The following GRXCR2 variants were observed in gnomAD, a reference collection of about 807,000 sequenced individuals.
GRXCR2 encodes glutaredoxin domain-containing cysteine-rich protein 2.
A neutral mutation model predicts 24.8 loss-of-function variants in GRXCR2; 23 were observed. The ratio of observed to expected loss-of-function variants is 0.93; its 90% CI spans 0.67 to 1.32. The LOEUF (loss-of-function observed/expected upper bound fraction) is 1.32. Ranked by LOEUF, GRXCR2 falls within the 40% of genes most tolerant of loss-of-function variation. GRXCR2 has a pLI of 0.00. For synonymous variants in GRXCR2, 130 were observed against 116.1 expected (o/e 1.12, Z -0.77); for missense variants, 315 against 303.4 (o/e 1.04, Z -0.28).
chr5:145,866,611 C>G lies in GRXCR2; in HGVS notation c.454G>C (p.Ala152Pro), dbSNP rs1222094493. The change falls in exon 2 of 3, where the codon GCT (alanine) becomes CCT (proline). Residue 152 changes from alanine (A) to proline (P), a missense_variant. Transcript: ENST00000377976. The stretch of plus-strand genomic sequence containing the variant: ...TTGTTCATCAGAGACTCTTCCTCAG[C>G]CTCCTCTTCCTTCTGGAGAATTTTC... ...VRKILQKEEE[A>P]EEESLMNKEE... The G allele has an allele frequency of 3.1e-6, 5 of 1,613,872 alleles. No homozygotes were observed. In the African/African-American group the frequency reaches 5.3e-5, roughly 17 times the overall value.
upstream of GRXCR2, among the ~76,000 whole-genome samples, chr5:145,874,272 C>T (rs1042409811): frequency 1.1e-4 from 17 of 150,708 alleles, no homozygotes; most frequent in Admixed American, 9.3e-4. Context: ...GGTACGATCT[C>T]GGCTCACTGC....
chr5:145,872,594 C>T, intron 1 of GRXCR2, 39 bp downstream of exon 1: 2 of 1,504,024 alleles, frequency 1.3e-6, no homozygotes, highest in Non-Finnish European at 1.8e-6. Flanking sequence ...TTTTAGGAAG[C>T]CCTACCCTTA....
rs117492006 is a variant in GRXCR2, at chr5:145,897,581, C to T, written c.-69-30853G>A. On this transcript the variant is annotated intron_variant, in intron 2 of 3. Coordinates refer to the GRXCR2 transcript ENST00000639411. Reference sequence around the variant, plus strand: ...ATATTCTCAGCCATAAAGCAAGTCTCAATCAATTCCAAAAAAAATCACAAT... The same window carrying T: ...ATATTCTCAGCCATAAAGCAAGTCTTAATCAATTCCAAAAAAAATCACAAT... Among the ~76,000 whole-genome samples the T allele has an allele frequency of 4.6e-4, 70 of 152,084 alleles. 1 individual carries two copies. In the East Asian group the frequency reaches 0.012, roughly 27 times the overall value.
At chr5:145,875,237 G>C (rs1192187948), upstream of GRXCR2, among the ~76,000 whole-genome samples, 1 of 152,190 alleles carries the variant, frequency 6.6e-6, no homozygotes, top group Non-Finnish European at 1.5e-5. Flanking sequence ...AAAAGGAATT[G>C]AGCATATTTT....
intron 2 of GRXCR2, among the ~76,000 whole-genome samples, chr5:145,911,767 G>C (rs1757170051): frequency 6.6e-6 from 1 of 152,198 alleles, no homozygotes; most frequent in Non-Finnish European, 1.5e-5. Context: ...CAAAGAGAAT[G>C]AAGTGGCCAG....
Position 145,889,172 on chromosome 5 carries a change from A to AAAAGAAAGAAAGAAAGAAAGAAAG in GRXCR2, c.-69-22468_-69-22445dup, listed in dbSNP as rs557521873. ...TGACAGACCGAGACTCTGTCTCAAA[A>AAAAGAAAGAAAGAAAGAAAGAAAG]AAAGAAAGAAAGAAAGAAAGAAAGA... On this transcript the variant is annotated intron_variant, in intron 2 of 3. Coordinates refer to the GRXCR2 transcript ENST00000639411. Among the ~76,000 whole-genome samples the AAAAGAAAGAAAGAAAGAAAGAAAG allele has an allele frequency of 1.1e-3, 95 of 84,042 alleles. 1 individual carries two copies. The highest frequency in any genetic ancestry group is 4.3e-3 in the East Asian group (12 of 2,782). The allele number at this position is 84,042 out of a possible 152,430, so 55.1% of individuals were successfully genotyped here.
In GRXCR2 at chr5:145,906,361, G is replaced by A. The variant is rs1241387684; in HGVS notation, c.-70+29340C>T. 5.6e-4 allele frequency among the ~76,000 whole-genome samples: 84 copies of A among 150,836 alleles called. 1 individual carries two copies. The highest frequency in any genetic ancestry group is 5.6e-3 in the Admixed American group (84 of 15,114). On this transcript the variant is annotated intron_variant, in intron 2 of 3. Transcript: ENST00000639411. ...AGGGGAAAATGTTAAAAAAAAAAAG[G>A]GGGGTGCTTATCTTCCCTCACTGGC...
At chr5:145,900,123 GC>G (rs1757004696) in intron 2 of GRXCR2, among the ~76,000 whole-genome samples, 1 of 152,044 alleles carries the variant, frequency 6.6e-6, no homozygotes, top group South Asian at 2.1e-4. Context: ...TTGTGTCCCT[GC>G]CCTAATCTCA....
At chr5:145,861,767 G>C (rs78484849) in intron 2 of GRXCR2, among the ~76,000 whole-genome samples, 1,555 of 152,044 alleles carry the variant, frequency 0.01, 39 homozygotes, top group African/African-American at 0.035. Flanking sequence ...GAGTCCGCTG[G>C]GTAGCTCTGC....
rs112643549 is a variant in GRXCR2, at chr5:145,880,967, C to T, written c.-69-14239G>A. On this transcript the variant is annotated intron_variant, in intron 2 of 3. Coordinates refer to the GRXCR2 transcript ENST00000639411. ...CAATAGATGCAGAAAAGGCCTTTGA[C>T]AAAATTCAACAGCACTTCATGCTAA... Among the ~76,000 whole-genome samples the T allele has an allele frequency of 9.2e-3, 1,401 of 152,248 alleles. 20 individuals are homozygous for T. The highest frequency in any genetic ancestry group is 0.032 in the African/African-American group (1,321 of 41,554).
chr5:145,921,490 A>G (rs2149928821), intron 2 of GRXCR2, among the ~76,000 whole-genome samples: 1 of 152,248 alleles, frequency 6.6e-6, no homozygotes, highest in East Asian at 1.9e-4. Flanking sequence ...TCCCTGTGAG[A>G]TAAAGGAAGA....
At chr5:145,894,389 G>T (rs1756917268) in intron 2 of GRXCR2, among the ~76,000 whole-genome samples, 1 of 152,104 alleles carries the variant, frequency 6.6e-6, no homozygotes, top group Non-Finnish European at 1.5e-5. Context: ...CCGCTAGCAA[G>T]ACTAACAAAG....
intron 2 of GRXCR2, among the ~76,000 whole-genome samples, chr5:145,889,920 G>T (rs1756839893): frequency 6.6e-6 from 1 of 152,160 alleles, no homozygotes; most frequent in African/African-American, 2.4e-5. Context: ...ATCTTAAAAA[G>T]AAAGCAATCT....
At chr5:145,874,053 G>A (rs1054460098), upstream of GRXCR2, among the ~76,000 whole-genome samples, 1 of 152,172 alleles carries the variant, frequency 6.6e-6, no homozygotes, top group Non-Finnish European at 1.5e-5. Flanking sequence ...GGGCTGGGTA[G>A]AAAATGGTAG....
intron 2 of GRXCR2, among the ~76,000 whole-genome samples, chr5:145,892,864 G>T (rs1722901278): frequency 6.6e-6 from 1 of 152,170 alleles, no homozygotes; most frequent in Non-Finnish European, 1.5e-5. Context: ...AGGAAAAAAT[G>T]TTAAGGGCAG....
At chr5:145,926,132 GAC>G (rs1294710001) in intron 2 of GRXCR2, among the ~76,000 whole-genome samples, 2 of 152,164 alleles carry the variant, frequency 1.3e-5, no homozygotes, top group African/African-American at 2.4e-5. Context: ...AAGGGAGAAA[GAC>G]AGGTTAGGAG....
Position 145,906,576 on chromosome 5 carries a change from T to C in GRXCR2, c.-70+29125A>G, listed in dbSNP as rs142411357. 4.8e-4 allele frequency among the ~76,000 whole-genome samples: 73 copies of C among 152,330 alleles called. 1 individual carries two copies. The East Asian group carries it at 0.01, about 22-fold the overall frequency. On this transcript the variant is annotated intron_variant, in intron 2 of 3. Transcript: ENST00000639411. The stretch of plus-strand genomic sequence containing the variant: ...CCTGAATTTCCAACAGCACTGGAAG[T>C]AATCCAATCACATTCCTTTCTGGCT...
chr5:145,895,618 A>C (rs1246625830), intron 2 of GRXCR2, among the ~76,000 whole-genome samples: 1 of 152,228 alleles, frequency 6.6e-6, no homozygotes. Flanking sequence ...ACCACTGCTC[A>C]ATGAAATAAA....
chr5:145,911,940 C>T (rs1228059667), intron 2 of GRXCR2, among the ~76,000 whole-genome samples: 1 of 151,968 alleles, frequency 6.6e-6, no homozygotes, highest in Non-Finnish European at 1.5e-5. Flanking sequence ...AATACAACAA[C>T]AAAAAAATTA....
Sources: allele counts gnomAD v4.1 joint callset (sites outside exome capture counted in the v4.1 genomes callset), GRCh38; gene constraint gnomAD v4.1.1; transcripts MANE v1.5; gene names NCBI Gene and HGNC (gene_info 2026-07-23, HGNC 2026-07-21).